PRRC2C: variants seen among roughly 807,000 people sequenced by gnomAD.
PRRC2C encodes the protein protein PRRC2C.
A neutral mutation model predicts 317.2 loss-of-function variants in PRRC2C; 72 were observed. The observed-to-expected ratio is 0.23, with a 90% CI of 0.19 to 0.28. PRRC2C has a LOEUF of 0.28. PRRC2C is among the 10% of genes least tolerant of loss of function. The pLI, the probability that PRRC2C is intolerant of heterozygous loss-of-function variation, is 1.00. For missense variants in PRRC2C, 3,074 were observed against 3,459.7 expected (o/e 0.89, Z 2.80); for synonymous variants, 1,296 against 1,205.9 (o/e 1.07, Z -1.55).
Position 171,545,656 on chromosome 1 carries a change from T to A in PRRC2C, c.4941T>A (p.Ala1647=). The A allele has an allele frequency of 1.2e-6, 2 of 1,609,896 alleles. No individual in the cohort carries two copies. The highest frequency in any genetic ancestry group is 1.7e-6 in the Non-Finnish European group (2 of 1,177,606). ...GPKKPKEKVD[A]LSQFDLNNYA... Reference sequence around the variant, plus strand: ...AAAAACCAAAAGAGAAAGTGGATGCTCTATCACAGTTTGATCTCAACAATT... The same window carrying A: ...AAAAACCAAAAGAGAAAGTGGATGCACTATCACAGTTTGATCTCAACAATT... The change falls in exon 17 of 35, where the codon GCT becomes GCA. Residue 1647 remains alanine (A), a synonymous_variant. Transcript: ENST00000647382.
At chr1:171,521,871 A>G (rs777012766) in intron 6 of PRRC2C, among the ~76,000 whole-genome samples, 9 of 152,164 alleles carry the variant, frequency 5.9e-5, no homozygotes, top group Non-Finnish European at 8.8e-5. Flanking sequence ...TATCTCATTG[A>G]TACAGTTACT....
intron 18 of PRRC2C, among the ~76,000 whole-genome samples, chr1:171,555,040 A>G (rs1285155757): frequency 1.3e-5 from 2 of 152,176 alleles, no homozygotes; most frequent in Admixed American, 1.3e-4. Context: ...TCTCCTGGAT[A>G]ATATCCGGAA....
At chr1:171,556,534 T>C (rs1291856969) in intron 18 of PRRC2C, among the ~76,000 whole-genome samples, 1 of 152,252 alleles carries the variant, frequency 6.6e-6, no homozygotes, top group East Asian at 1.9e-4. Context: ...AGACTGGAGC[T>C]GTTCCTATTC....
At position 171,592,051 on chromosome 1, in the gene PRRC2C, A is replaced by G. The variant is rs1478117406; in HGVS notation, c.*204A>G. ...AACGAGGCTTTGCAAGCTTGTACCT[A>G]CTATATAACATGTGCTTGGTTGATG... On this transcript the variant is annotated 3_prime_UTR_variant, in exon 35 of 35. Transcript: ENST00000647382. 15 of 551,422 alleles carry G rather than the reference A, an allele frequency of 2.7e-5. No homozygotes were observed. Among genetic ancestry groups the G allele is most frequent in the Admixed American group, 3.4e-5 (1 of 29,616 alleles). 34.2% of individuals were successfully genotyped at this position (551,422 alleles called of 1,614,324 possible).
chr1:171,518,843 AATAAAG>A (rs1402014277), intron 6 of PRRC2C, among the ~76,000 whole-genome samples: 5 of 150,992 alleles, frequency 3.3e-5, no homozygotes, highest in Non-Finnish European at 2.9e-5. Context: ...CATGTACAAA[AATAAAG>A]ATAACAGTGC....
intron 17 of PRRC2C, among the ~76,000 whole-genome samples, chr1:171,547,111 A>G (rs1003899900): frequency 6.6e-6 from 1 of 152,092 alleles, no homozygotes; most frequent in African/African-American, 2.4e-5. Flanking sequence ...TAAAAACAAA[A>G]CAAAACAAAA....
chr1:171,560,874 T>A (rs1682553111), intron 19 of PRRC2C, 144 bp from the exon 20 acceptor site: 9 of 725,964 alleles, frequency 1.2e-5, no homozygotes, highest in Non-Finnish European at 2.2e-5. Context: ...CATAATAATC[T>A]TTGTAAGTCT....
chr1:171,539,355 T>C (rs1197531248), intron 15 of PRRC2C, among the ~76,000 whole-genome samples: 1 of 152,190 alleles, frequency 6.6e-6, no homozygotes, highest in Non-Finnish European at 1.5e-5. Context: ...AGATATATCC[T>C]CTTAACAAAA....
At chr1:171,547,536 A>G (rs758723934) in intron 17 of PRRC2C, among the ~76,000 whole-genome samples, 2 of 152,202 alleles carry the variant, frequency 1.3e-5, no homozygotes, top group Non-Finnish European at 2.9e-5. Context: ...TTCATTTTAC[A>G]GAGTTAATGA....
chr1:171,579,772 G>A (rs917486693), intron 27 of PRRC2C, 56 bp from the exon 28 acceptor site: 1 of 1,470,794 alleles, frequency 6.8e-7, no homozygotes, highest in African/African-American at 1.4e-5. Flanking sequence ...CAGTGTTAAT[G>A]ATTTATCTGT....
chr1:171,486,514 C>T (rs756279627), intron 1 of PRRC2C, among the ~76,000 whole-genome samples: 1 of 152,092 alleles, frequency 6.6e-6, no homozygotes, highest in Non-Finnish European at 1.5e-5. Context: ...GTCTTCCTTC[C>T]TTTGCATGAG....
At chr1:171,557,025 G>A (rs1681575091) in intron 18 of PRRC2C, among the ~76,000 whole-genome samples, 2 of 152,162 alleles carry the variant, frequency 1.3e-5, no homozygotes, top group Admixed American at 6.5e-5. Context: ...GTACCTGTAT[G>A]TCAAGAATGT....
Position 171,577,567 on chromosome 1 carries a change from A to G in PRRC2C, c.7089A>G (p.Leu2363=). 1 of 1,613,794 alleles carries G rather than the reference A, an allele frequency of 6.2e-7. No individual in the cohort carries two copies. The highest frequency in any genetic ancestry group is 8.5e-7 in the Non-Finnish European group (1 of 1,179,766). The change falls in exon 26 of 35, where the codon TTA becomes TTG. Residue 2363 remains leucine, a synonymous_variant. Coordinates refer to ENST00000647382, the MANE Select transcript of PRRC2C (RefSeq NM_001387844.1). Reference sequence around the variant, plus strand: ...CTTCTGCAAGTCATTTTTCACAGTTAAGCTGTATGCCTTCCCTTATTGCCC... The same window carrying G: ...CTTCTGCAAGTCATTTTTCACAGTTGAGCTGTATGCCTTCCCTTATTGCCC... ...SLPSASHFSQ[L]SCMPSLIAQQ... is the part of the protein sequence containing the mutation.
At chr1:171,526,972 C>G (rs1674708127) in intron 10 of PRRC2C, among the ~76,000 whole-genome samples, 1 of 151,566 alleles carries the variant, frequency 6.6e-6, no homozygotes, top group Admixed American at 6.6e-5. Flanking sequence ...CCATGCCTGG[C>G]TAATTTTTGT....
chr1:171,502,640 C>T (rs1669342812), intron 1 of PRRC2C, among the ~76,000 whole-genome samples: 1 of 152,154 alleles, frequency 6.6e-6, no homozygotes, highest in South Asian at 2.1e-4. Context: ...CCAAAAAAGG[C>T]TTGTTTCTGT....
At chr1:171,512,397 C>A (rs377196227) in intron 2 of PRRC2C, 197 bp downstream of exon 2, 2 of 463,594 alleles carry the variant, frequency 4.3e-6, no homozygotes, top group South Asian at 1.9e-5. Flanking sequence ...TTTCATAGAG[C>A]CCTTTAAAAA....
chr1:171,486,800 A>G (rs1217561840), intron 1 of PRRC2C, among the ~76,000 whole-genome samples: 7 of 152,198 alleles, frequency 4.6e-5, no homozygotes, highest in Non-Finnish European at 8.8e-5. Context: ...GCAAATAAAA[A>G]TAATAGGGTG....
chr1:171,492,329 A>G (rs1667299867), intron 1 of PRRC2C, among the ~76,000 whole-genome samples: 1 of 152,224 alleles, frequency 6.6e-6, no homozygotes, highest in Non-Finnish European at 1.5e-5. Flanking sequence ...GATTAGAAAG[A>G]AAAAATATTT....
chr1:171,545,432 T>C, intron 16 of PRRC2C, 47 bp from the exon 17 acceptor site: 2 of 1,489,334 alleles, frequency 1.3e-6, no homozygotes, highest in South Asian at 1.3e-5. Flanking sequence ...ATTTTTCTTT[T>C]GTTTGGGTAG....
Sources: allele counts gnomAD v4.1 joint callset (sites outside exome capture counted in the v4.1 genomes callset), GRCh38; gene constraint gnomAD v4.1.1; transcripts MANE v1.5; gene names NCBI Gene and HGNC (gene_info 2026-07-23, HGNC 2026-07-21).